Variants in ITGB8 observed in about 807,000 individuals in gnomAD.
ITGB8 encodes integrin subunit beta 8, also known as integrin beta-8.
Under a neutral mutation model 89.5 loss-of-function variants are expected in ITGB8, and 30 were observed. The ratio of observed to expected loss-of-function variants is 0.34; its 90% CI spans 0.25 to 0.45. The LOEUF (loss-of-function observed/expected upper bound fraction) is 0.45, where lower values mean the gene tolerates loss of function less well. Ranked by LOEUF, ITGB8 falls within the 20% of genes least tolerant of loss-of-function variation. The probability of loss-of-function intolerance (pLI) is 1.00; values close to 1 mark genes in which losing one functional copy is unlikely to be tolerated. For missense variants in ITGB8, 836 were observed against 933.3 expected (o/e 0.90, Z 1.36); for synonymous variants, 335 against 320.4 (o/e 1.05, Z -0.49).
At chr7:20,387,091 T>C (rs1348269191) in intron 6 of ITGB8, among the ~76,000 whole-genome samples, 1 of 152,238 alleles carries the variant, frequency 6.6e-6, no homozygotes, top group African/African-American at 2.4e-5. Context: ...AAATCTCTCT[T>C]ATTAAGCAGT....
intron 2 of ITGB8, chr7:20,365,053 T>C (rs1033019690): frequency 1.3e-5 from 2 of 152,214 alleles, no homozygotes; most frequent in Non-Finnish European, 2.9e-5. Context: ...ATGTTAGCCA[T>C]AGAACATCAG....
In ITGB8 at chr7:20,331,378, C is replaced by A. The variant is rs1212224117; in HGVS notation, c.-429C>A. 6 of 398,116 alleles carry A rather than the reference C, an allele frequency of 1.5e-5. No individual in the cohort carries two copies. Among genetic ancestry groups the A allele is most frequent in the South Asian group, 1.4e-4 (1 of 7,176 alleles). The allele number at this position is 398,116 out of a possible 1,614,324, so 24.7% of individuals were successfully genotyped here. On this transcript the variant is annotated 5_prime_UTR_variant, in exon 1 of 14. Coordinates refer to ENST00000222573, the MANE Select transcript of ITGB8 (RefSeq NM_002214.3). The stretch of plus-strand genomic sequence containing the variant: ...GAATGTACATTAGGGTGGTTTCCCC[C>A]CCAGCTTCGGGCTTTGTTTGGGTTT...
intron 5 of ITGB8, 163 bp downstream of exon 5, chr7:20,380,994 T>C (rs1786356210): frequency 1.7e-6 from 1 of 604,948 alleles, no homozygotes. Flanking sequence ...CGGTATGTGT[T>C]TGGGACAGAG....
rs919421283 is a variant in ITGB8 at position 20,406,071 on chromosome 7, G to A, written c.1923G>A (p.Met641Ile). The A allele has an allele frequency of 6.3e-7, 1 of 1,591,172 alleles. No individual in the cohort carries two copies. The highest frequency in any genetic ancestry group is 2.2e-5 in the East Asian group (1 of 44,754). Residue 641 changes from methionine to isoleucine, a missense_variant, in exon 12 of 14, where the codon ATG (methionine) becomes ATA (isoleucine). Met to Ile is a conservative substitution (Grantham distance 10). Around this residue, in one of 5 missense-constraint regions of ITGB8, gnomAD observed 422 missense variants for 416.9 expected, o/e 1.01. Transcript: ENST00000222573. ...CTGTTTCCCCTTGCAGGAATTGTATGCAATGCCTTCACCCTCACAATTTGT... is the reference window on the plus strand; with the variant it reads ...CTGTTTCCCCTTGCAGGAATTGTATACAATGCCTTCACCCTCACAATTTGT... Reference protein sequence around the residue: ...YTACKENWNCMQCLHPHNLSQ... With the variant: ...YTACKENWNCIQCLHPHNLSQ...
chr7:20,345,610 G>T (rs571783741), intron 1 of ITGB8, among the ~76,000 whole-genome samples: 13 of 152,104 alleles, frequency 8.5e-5, no homozygotes, highest in Non-Finnish European at 1.8e-4. Context: ...GAGATGAGAG[G>T]CTATGAAGCA....
At chr7:20,358,054 C>T (rs902883328) in intron 1 of ITGB8, among the ~76,000 whole-genome samples, 1 of 152,170 alleles carries the variant, frequency 6.6e-6, no homozygotes, top group African/African-American at 2.4e-5. Context: ...CAACCTCCGC[C>T]TCCCGAGTTC....
At chr7:20,403,495 TG>T (rs1253259761) in intron 10 of ITGB8, among the ~76,000 whole-genome samples, 17 of 152,204 alleles carry the variant, frequency 1.1e-4, no homozygotes, top group African/African-American at 2.4e-4. Context: ...AGACTGTAAC[TG>T]ACATGTACTT....
Position 20,402,112 on chromosome 7 carries a change from G to A in ITGB8, c.1673G>A (p.Gly558Glu), listed in dbSNP as rs2127982881. The A allele has an allele frequency of 1.2e-6, 2 of 1,611,696 alleles. 1 individual carries two copies. The highest frequency in any genetic ancestry group is 2.2e-5 in the South Asian group (2 of 90,552). ...GACTTTTCTTGTCCATATCACCATG[G>A]AAATCTGTGTGCTGGTGAGTATAAA... is the stretch of plus-strand genomic sequence containing the variant. ...KDDFSCPYHH[G>E]NLCAGHGECE... The change falls in exon 10 of 14, where the codon GGA becomes GAA. Residue 558 changes from glycine to glutamate, a missense_variant. By Grantham distance (98) the Gly-to-Glu change is moderately conservative. Transcript: ENST00000222573.
chr7:20,335,729 C>T (rs1161883496), intron 1 of ITGB8, among the ~76,000 whole-genome samples: 1 of 152,112 alleles, frequency 6.6e-6, no homozygotes, highest in Non-Finnish European at 1.5e-5. Context: ...CTCTGCAGTC[C>T]ACTCTCTTAA....
Position 20,404,501 on chromosome 7 carries a change from T to G in ITGB8, c.1688-127T>G, listed in dbSNP as rs898550362. The G allele has an allele frequency of 3.6e-5, 27 of 754,094 alleles. No individual in the cohort carries two copies. In the African/African-American group the frequency reaches 4.7e-4, roughly 13 times the overall value. The allele number at this position is 754,094 out of a possible 1,614,324, so 46.7% of individuals were successfully genotyped here. On this transcript the variant is annotated intron_variant, in intron 10 of 13. Transcript: ENST00000222573. ...TGTTTGTGTCAGACCAATGAAAAAGTGATGCTGTTCCCATTCATTGGACTG... is the reference window on the plus strand; with the variant it reads ...TGTTTGTGTCAGACCAATGAAAAAGGGATGCTGTTCCCATTCATTGGACTG...
At chr7:20,401,293 T>C (rs1787301267) in intron 9 of ITGB8, among the ~76,000 whole-genome samples, 1 of 152,188 alleles carries the variant, frequency 6.6e-6, no homozygotes, top group Non-Finnish European at 1.5e-5. Context: ...CTCAGGGTTT[T>C]AAACCAGTAG....
intron 1 of ITGB8, among the ~76,000 whole-genome samples, chr7:20,339,209 CAACTT>C (rs1784674793): frequency 3.5e-5 from 4 of 115,802 alleles, no homozygotes; most frequent in African/African-American, 1.3e-4. Context: ...AAAAAAAAAA[CAACTT>C]AGGAAAGAAC....
upstream of ITGB8, chr7:20,329,912 G>C (rs1248743124): frequency 1.3e-5 from 2 of 152,168 alleles, no homozygotes; most frequent in Non-Finnish European, 2.9e-5. Flanking sequence ...CTGCTTCCGG[G>C]CAGTTGCCCA....
intron 6 of ITGB8, among the ~76,000 whole-genome samples, chr7:20,385,334 G>C (rs565258043): frequency 6.6e-6 from 1 of 152,216 alleles, no homozygotes; most frequent in Non-Finnish European, 1.5e-5. Context: ...CCTATTGTAT[G>C]TACTAGTGCA....
At chr7:20,344,389 A>T (rs139019246) in intron 1 of ITGB8, among the ~76,000 whole-genome samples, 1 of 152,314 alleles carries the variant, frequency 6.6e-6, no homozygotes, top group South Asian at 2.1e-4. Context: ...TTTTCTAGGC[A>T]TAGTGTATTT....
At chr7:20,385,540 C>A (rs1786574860) in intron 6 of ITGB8, among the ~76,000 whole-genome samples, 1 of 152,178 alleles carries the variant, frequency 6.6e-6, no homozygotes, top group African/African-American at 2.4e-5. Flanking sequence ...CTGAGTCGAT[C>A]AGCATCTTAT....
intron 3 of ITGB8, among the ~76,000 whole-genome samples, chr7:20,371,363 AAACT>A (rs1785928063): frequency 6.6e-6 from 1 of 152,186 alleles, no homozygotes; most frequent in Non-Finnish European, 1.5e-5. Flanking sequence ...AAATCAAATG[AAACT>A]AACTATTGAA....
intron 4 of ITGB8, chr7:20,380,160 T>C (rs1786319448): frequency 6.3e-6 from 1 of 157,852 alleles, no homozygotes; most frequent in Non-Finnish European, 1.4e-5. Flanking sequence ...TCATTCTTAC[T>C]TTCTGGGTAT....
chr7:20,333,806 A>T (rs1784491669), intron 1 of ITGB8, among the ~76,000 whole-genome samples: 1 of 152,198 alleles, frequency 6.6e-6, no homozygotes, highest in Admixed American at 6.5e-5. Flanking sequence ...CATGGCAGTT[A>T]AAAACATGCA....
Sources: allele counts gnomAD v4.1 joint callset (sites outside exome capture counted in the v4.1 genomes callset), GRCh38; gene constraint gnomAD v4.1.1; regional missense constraint gnomAD v4.1.1; transcripts MANE v1.5; gene names NCBI Gene and HGNC (gene_info 2026-07-23, HGNC 2026-07-21).